Variants in C8orf34 observed in about 807,000 individuals in gnomAD.
C8orf34 encodes uncharacterized protein C8orf34.
In C8orf34, 65 loss-of-function variants were observed where a neutral mutation model predicts 68.3. The ratio of observed to expected loss-of-function variants is 0.95; its 90% CI spans 0.78 to 1.17. The LOEUF is 1.17. C8orf34 is among the 50% of genes most tolerant of loss of function. C8orf34 has a pLI of 0.00. For synonymous variants in C8orf34, 244 were observed against 241.2 expected, an observed-to-expected ratio of 1.01 and a Z score of -0.11; for missense variants, 664 against 655.4, an observed-to-expected ratio of 1.01 and a Z score of -0.14.
At chr8:68,390,218 C>T (rs1031177761) in intron 1 of C8orf34, among the ~76,000 whole-genome samples, 1 of 152,114 alleles carries the variant, frequency 6.6e-6, no homozygotes, top group Non-Finnish European at 1.5e-5. Context: ...GTCCAGCCCA[C>T]CATTCTGTGC....
At chr8:68,778,365 C>T (rs981999095) in intron 11 of C8orf34, among the ~76,000 whole-genome samples, 7 of 152,090 alleles carry the variant, frequency 4.6e-5, no homozygotes, top group Admixed American at 6.6e-5. Flanking sequence ...ATAGTGTTTA[C>T]ATTTTTAATA....
chr8:68,522,380 C>T (rs1814793318), intron 6 of C8orf34, among the ~76,000 whole-genome samples: 1 of 152,170 alleles, frequency 6.6e-6, no homozygotes, highest in Admixed American at 6.5e-5. Flanking sequence ...TATAATAGAC[C>T]ATAGGAGGCA....
chr8:68,607,310 G>A (rs1015475006), intron 7 of C8orf34, among the ~76,000 whole-genome samples: 3 of 152,066 alleles, frequency 2.0e-5, no homozygotes, highest in Non-Finnish European at 4.4e-5. Flanking sequence ...AGGGTGGGTG[G>A]TTTAAACAAC....
At chr8:68,640,943 A>G (rs1341710599) in intron 8 of C8orf34, among the ~76,000 whole-genome samples, 1 of 152,198 alleles carries the variant, frequency 6.6e-6, no homozygotes, top group African/African-American at 2.4e-5. Context: ...GAAAGAATTT[A>G]ATCAGCTTGA....
chr8:68,717,448 G>A (rs1467126754), intron 9 of C8orf34, among the ~76,000 whole-genome samples: 3 of 150,708 alleles, frequency 2.0e-5, no homozygotes, highest in Non-Finnish European at 4.4e-5. Flanking sequence ...AGCCAATTTC[G>A]TGCCACTGCC....
At chr8:68,687,401 G>C (rs895865239) in intron 8 of C8orf34, among the ~76,000 whole-genome samples, 8 of 152,100 alleles carry the variant, frequency 5.3e-5, no homozygotes, top group Admixed American at 4.6e-4. Flanking sequence ...CACGATACTG[G>C]TATAAAAATA....
chr8:68,522,017 A>C, intron 6 of C8orf34, 46 bp downstream of exon 6: 1 of 1,522,906 alleles, frequency 6.6e-7, no homozygotes, highest in Non-Finnish European at 8.9e-7. Flanking sequence ...AGTCATTAAA[A>C]GGTAAAGGGA....
intron 1 of C8orf34, among the ~76,000 whole-genome samples, chr8:68,408,528 T>A (rs993118956): frequency 6.6e-5 from 10 of 152,106 alleles, no homozygotes; most frequent in Admixed American, 3.3e-4. Flanking sequence ...AATAGCTCTA[T>A]GTTTTTCTTG....
At chr8:68,614,508 G>A (rs1325172597) in intron 7 of C8orf34, among the ~76,000 whole-genome samples, 14 of 152,064 alleles carry the variant, frequency 9.2e-5, no homozygotes, top group Non-Finnish European at 1.8e-4. Flanking sequence ...TTCTACATAC[G>A]GCTAGCCAGT....
intron 7 of C8orf34, among the ~76,000 whole-genome samples, chr8:68,539,044 A>T (rs1815598557): frequency 6.6e-6 from 1 of 152,170 alleles, no homozygotes; most frequent in Non-Finnish European, 1.5e-5. Flanking sequence ...GTTCTTAAAA[A>T]TTTCTTGAAT....
intron 10 of C8orf34, among the ~76,000 whole-genome samples, chr8:68,773,224 G>A (rs531965352): frequency 2.0e-5 from 3 of 152,162 alleles, no homozygotes; most frequent in East Asian, 1.9e-4. Flanking sequence ...TGGGGAACCC[G>A]AGATAGATGT....
Position 68,615,385 on chromosome 8 carries a change from C to G in C8orf34, c.1106-24991C>G, listed in dbSNP as rs570401321. Among the ~76,000 whole-genome samples, 4 of 151,564 alleles carry G rather than the reference C, an allele frequency of 2.6e-5. No homozygotes were observed. The East Asian group carries it at 7.8e-4, about 29-fold the overall frequency. ...CTTGTGCCAGTTTTCAAAGGGAATG[C>G]TTCCAGTTTTTGCCCATTCAGTATG... On this transcript the variant is annotated intron_variant, in intron 7 of 13. Coordinates refer to ENST00000518698, the MANE Select transcript of C8orf34 (RefSeq NM_052958.4).
intron 1 of C8orf34, among the ~76,000 whole-genome samples, chr8:68,432,654 G>T (rs961028259): frequency 6.6e-6 from 1 of 152,106 alleles, no homozygotes; most frequent in African/African-American, 2.4e-5. Flanking sequence ...TTTTGACTGG[G>T]AATAAGATAA....
chr8:68,714,321 C>T (rs1374944592), intron 9 of C8orf34, among the ~76,000 whole-genome samples: 1 of 151,612 alleles, frequency 6.6e-6, no homozygotes, highest in Non-Finnish European at 1.5e-5. Context: ...AAAGGGCATC[C>T]AGAGGAAGTC....
chr8:68,452,315 A>G (rs1281490744), intron 3 of C8orf34, among the ~76,000 whole-genome samples: 1 of 151,458 alleles, frequency 6.6e-6, no homozygotes, highest in Non-Finnish European at 1.5e-5. Flanking sequence ...TGTAACTTCG[A>G]GGAGCTGCCA....
At chr8:68,571,139 G>T (rs941415000) in intron 7 of C8orf34, among the ~76,000 whole-genome samples, 5 of 152,026 alleles carry the variant, frequency 3.3e-5, no homozygotes, top group African/African-American at 4.8e-5. Context: ...TCTAGAACAC[G>T]CATACAGCCA....
At chr8:68,358,157 C>G (rs1278486278) in intron 1 of C8orf34, among the ~76,000 whole-genome samples, 1 of 152,108 alleles carries the variant, frequency 6.6e-6, no homozygotes, top group Non-Finnish European at 1.5e-5. Flanking sequence ...CATTTTGGTA[C>G]ATTATGAGCT....
chr8:68,376,284 T>TGG (rs11384681), intron 1 of C8orf34, among the ~76,000 whole-genome samples: 7 of 151,764 alleles, frequency 4.6e-5, no homozygotes, highest in Non-Finnish European at 8.8e-5. Flanking sequence ...AGCTTATAAA[T>TGG]GGGGGGTCTT....
At chr8:68,633,164 A>G (rs1441884064) in intron 7 of C8orf34, among the ~76,000 whole-genome samples, 1 of 152,140 alleles carries the variant, frequency 6.6e-6, no homozygotes, top group Non-Finnish European at 1.5e-5. Context: ...TACCTGTTAA[A>G]TCTTCTAGTT....
Sources: allele counts gnomAD v4.1 joint callset (sites outside exome capture counted in the v4.1 genomes callset), GRCh38; gene constraint gnomAD v4.1.1; transcripts MANE v1.5; gene names NCBI Gene and HGNC (gene_info 2026-07-23, HGNC 2026-07-21).